Variants in DGKB observed in about 807,000 individuals in gnomAD.
The protein encoded by DGKB is diacylglycerol kinase beta, also known as 90 kDa diacylglycerol kinase.
Under a neutral mutation model 114.3 loss-of-function variants are expected in DGKB, and 67 were observed. The observed-to-expected ratio is 0.59, with a 90% CI of 0.48 to 0.72. DGKB has a LOEUF of 0.72. DGKB is among the 30% of genes least tolerant of loss of function. The pLI, the probability that DGKB is intolerant of heterozygous loss-of-function variation, is 0.00. For missense variants in DGKB, 907 were observed against 975.2 expected (o/e 0.93, Z 0.93); for synonymous variants, 398 against 323.1 (o/e 1.23, Z -2.49).
chr7:14,612,801 A>C (rs950217121), intron 16 of DGKB, among the ~76,000 whole-genome samples: 1 of 152,166 alleles, frequency 6.6e-6, no homozygotes, highest in Non-Finnish European at 1.5e-5. Context: ...TGATTTAATC[A>C]TTCATTCATT....
chr7:14,362,655 A>AC (rs76020198), intron 21 of DGKB, among the ~76,000 whole-genome samples: 76,659 of 151,812 alleles, frequency 0.5, 20,918 homozygotes, highest in African/African-American at 0.72. Context: ...AAAACCCAAA[A>AC]AAAATGCAAC....
chr7:14,908,217 T>C (rs1438473369), upstream of DGKB, among the ~76,000 whole-genome samples: 1 of 152,198 alleles, frequency 6.6e-6, no homozygotes, highest in Non-Finnish European at 1.5e-5. Flanking sequence ...GTGATTTTAT[T>C]TTATTTTTTT....
At chr7:14,495,808 G>A (rs561754020) in intron 20 of DGKB, among the ~76,000 whole-genome samples, 5 of 151,692 alleles carry the variant, frequency 3.3e-5, no homozygotes, top group African/African-American at 9.6e-5. Context: ...AAGACAAAAC[G>A]AAAACAATAA....
chr7:14,605,312 G>A (rs1387289918), intron 17 of DGKB, among the ~76,000 whole-genome samples: 2 of 149,816 alleles, frequency 1.3e-5, no homozygotes, highest in South Asian at 2.1e-4. Context: ...TCTATATTCT[G>A]TTACGTAAAA....
At chr7:14,585,272 C>A (rs1024800464) in intron 17 of DGKB, among the ~76,000 whole-genome samples, 1 of 152,080 alleles carries the variant, frequency 6.6e-6, no homozygotes, top group Non-Finnish European at 1.5e-5. Context: ...ATAATAAACA[C>A]ATATGTACCA....
chr7:14,332,166 C>A (rs531346119), intron 23 of DGKB, among the ~76,000 whole-genome samples: 1 of 152,110 alleles, frequency 6.6e-6, no homozygotes, highest in African/African-American at 2.4e-5. Context: ...GCATTTGCTA[C>A]GTACTGGCCC....
chr7:14,939,754 C>G lies in DGKB; in HGVS notation c.-188+34942G>C, dbSNP rs567631209. On this transcript the variant is annotated intron_variant, in intron 1 of 4. Coordinates refer to the DGKB transcript ENST00000437998. ...TCAGACTCCTGAGTAACTGGGATTA[C>G]AGGTACCCACCACGACGCCCAGCTA... is the stretch of plus-strand genomic sequence containing the variant. Among the ~76,000 whole-genome samples the G allele has an allele frequency of 1.7e-4, 24 of 144,652 alleles. No homozygotes were observed. In the Admixed American group the frequency reaches 1.7e-3, roughly 10 times the overall value. 94.9% of individuals were successfully genotyped at this position (144,652 alleles called of 152,430 possible). A position where few individuals can be genotyped will look rare whatever the true frequency, so the allele number is the denominator to read the frequency against.
intron 1 of DGKB, among the ~76,000 whole-genome samples, chr7:14,942,460 A>C (rs895970546): frequency 6.6e-6 from 1 of 151,970 alleles, no homozygotes; most frequent in Non-Finnish European, 1.5e-5. Context: ...ACCTTACTTT[A>C]AAGTTCTTTT....
At chr7:14,549,274 C>A (rs1437766225) in intron 20 of DGKB, among the ~76,000 whole-genome samples, 1 of 151,856 alleles carries the variant, frequency 6.6e-6, no homozygotes, top group Non-Finnish European at 1.5e-5. Flanking sequence ...GTGACCATAG[C>A]CAAAGAAGTT....
intron 21 of DGKB, among the ~76,000 whole-genome samples, chr7:14,382,952 A>G (rs1211190297): frequency 1.3e-5 from 2 of 152,176 alleles, no homozygotes; most frequent in African/African-American, 4.8e-5. Flanking sequence ...GGATAAAAAT[A>G]TGATAAAAAT....
chr7:14,889,054 ACT>A (rs1273285816), intron 1 of DGKB, among the ~76,000 whole-genome samples: 2 of 151,654 alleles, frequency 1.3e-5, no homozygotes, highest in African/African-American at 4.8e-5. Context: ...TCCACAAAAG[ACT>A]CTACGCTGGT....
chr7:14,948,279 C>T (rs907331892), intron 1 of DGKB, among the ~76,000 whole-genome samples: 3 of 151,720 alleles, frequency 2.0e-5, no homozygotes, highest in African/African-American at 7.3e-5. Flanking sequence ...CTTGTCTTTG[C>T]ACTGAATTTT....
At position 14,148,918 on chromosome 7, in the gene DGKB, A is replaced by C; in HGVS notation, c.*213T>G. 1.8e-6 allele frequency: 1 copy of C among 569,244 alleles called. No homozygotes were observed. Among genetic ancestry groups the C allele is most frequent in the East Asian group, 3.0e-5 (1 of 32,920 alleles). 35.3% of individuals were successfully genotyped at this position (569,244 alleles called of 1,614,324 possible). A position where few individuals can be genotyped will look rare whatever the true frequency, so the allele number is the denominator to read the frequency against. ...AAATATGCAGTATCACTTCAGGTAA[A>C]CTTCTGCTTTCTTCATGCAAAGATG... is the stretch of plus-strand genomic sequence containing the variant. On this transcript the variant is annotated 3_prime_UTR_variant, in exon 26 of 26. Coordinates refer to ENST00000402815, the MANE Select transcript of DGKB (RefSeq NM_001350709.2).
chr7:14,539,337 G>T (rs1793040960), intron 20 of DGKB, among the ~76,000 whole-genome samples: 1 of 151,958 alleles, frequency 6.6e-6, no homozygotes, highest in Non-Finnish European at 1.5e-5. Context: ...GAAAAATAAT[G>T]AACCAAATCC....
chr7:14,827,691 C>T (rs1179708862), intron 2 of DGKB, among the ~76,000 whole-genome samples: 2 of 151,930 alleles, frequency 1.3e-5, no homozygotes, highest in African/African-American at 4.8e-5. Flanking sequence ...TGTGGAGACG[C>T]CTTATGGAGA....
At chr7:14,794,692 G>A (rs185757113) in intron 2 of DGKB, among the ~76,000 whole-genome samples, 41 of 152,174 alleles carry the variant, frequency 2.7e-4, no homozygotes, top group East Asian at 1.7e-3. Context: ...TTGAGCTTTC[G>A]GTCTGGCAGG....
intron 1 of DGKB, among the ~76,000 whole-genome samples, chr7:14,925,539 G>A (rs147280228): frequency 1.3e-5 from 2 of 152,012 alleles, no homozygotes; most frequent in Admixed American, 6.6e-5. Flanking sequence ...CATGAATATG[G>A]TATGTCTTAT....
At chr7:14,554,285 C>T (rs1400638008) in intron 20 of DGKB, among the ~76,000 whole-genome samples, 1 of 152,112 alleles carries the variant, frequency 6.6e-6, no homozygotes, top group Non-Finnish European at 1.5e-5. Flanking sequence ...CTTTAAAAGT[C>T]CCGAACAACT....
intron 25 of DGKB, among the ~76,000 whole-genome samples, chr7:14,170,132 C>T (rs993089094): frequency 7.6e-5 from 4 of 52,672 alleles, no homozygotes; most frequent in African/African-American, 2.2e-4. Flanking sequence ...GAAACTCCAT[C>T]TCAAAAAAAA....
Sources: gnomAD v4.1 joint callset for allele counts (sites outside exome capture counted in the v4.1 genomes callset) on GRCh38, gnomAD v4.1.1 for gene constraint, MANE v1.5 for transcripts, NCBI Gene and HGNC (gene_info 2026-07-23, HGNC 2026-07-21) for gene names.